TTLL7: variants seen among roughly 807,000 people sequenced by gnomAD.
TTLL7 encodes the protein tubulin polyglutamylase TTLL7.
In TTLL7, 53 loss-of-function variants were observed where a neutral mutation model predicts 120.2. The ratio of observed to expected loss-of-function variants is 0.44; its 90% CI spans 0.35 to 0.55. The LOEUF (loss-of-function observed/expected upper bound fraction) is 0.55, where lower values mean the gene tolerates loss of function less well. Ranked by LOEUF, TTLL7 falls within the 20% of genes least tolerant of loss-of-function variation. The pLI is 0.00. For synonymous variants in TTLL7, 353 were observed against 351.7 expected (o/e 1.00, Z -0.04); for missense variants, 803 against 1,054.7 (o/e 0.76, Z 3.31).
At chr1:83,974,235 C>T (rs982080106) in intron 1 of TTLL7, among the ~76,000 whole-genome samples, 3 of 151,852 alleles carry the variant, frequency 2.0e-5, no homozygotes, top group African/African-American at 4.8e-5. Context: ...CTAAGTATTA[C>T]GAACACATAT....
chr1:83,884,280 A>T (rs1557539350), intron 19 of TTLL7, among the ~76,000 whole-genome samples: 1 of 151,972 alleles, frequency 6.6e-6, no homozygotes. Context: ...CAATTCACAT[A>T]ACCCTCAGAG....
At chr1:83,915,156 A>G (rs189552917) in intron 14 of TTLL7, among the ~76,000 whole-genome samples, 68 of 151,800 alleles carry the variant, frequency 4.5e-4, no homozygotes, top group African/African-American at 1.6e-3. Flanking sequence ...TTTTTTTTTT[A>G]GTAGGAAGAC....
chr1:83,922,001 C>T (rs546358841), intron 10 of TTLL7, among the ~76,000 whole-genome samples: 1 of 152,110 alleles, frequency 6.6e-6, no homozygotes, highest in East Asian at 1.9e-4. Context: ...AGGAAAAGTC[C>T]TGTTTTGGGA....
In TTLL7 at chr1:83,919,639, T is replaced by C. The variant is rs149706140; in HGVS notation, c.1500+60A>G. On this transcript the variant is annotated intron_variant, in intron 13 of 20. Transcript: ENST00000260505. ...ATATGTCGGACCAAGGTGGCTTGTC[T>C]GTAAAGACATATTGTTTAGCTTTAT... The C allele has an allele frequency of 9.0e-6, 13 of 1,452,056 alleles. No homozygotes were observed. The African/African-American group carries it at 1.6e-4, about 18-fold the overall frequency. The allele number at this position is 1,452,056 out of a possible 1,614,324, so 89.9% of individuals were successfully genotyped here.
intron 9 of TTLL7, among the ~76,000 whole-genome samples, chr1:83,930,393 T>C (rs1041032641): frequency 6.6e-6 from 1 of 152,124 alleles, no homozygotes; most frequent in Non-Finnish European, 1.5e-5. Flanking sequence ...CCTTTGTTGA[T>C]TTCTGATTTA....
Position 83,896,971 on chromosome 1 carries a change from CACA to C in TTLL7, c.2209-6493_2209-6491del, listed in dbSNP as rs1656278461. Among the ~76,000 whole-genome samples, 3 of 152,190 alleles carry C rather than the reference CACA, an allele frequency of 2.0e-5. No homozygotes were observed. In the South Asian group the frequency reaches 6.2e-4, roughly 32 times the overall value. ...CTAAATTATGCAAGTATGGAGTTAC[CACA>C]ACATGACATTAAATAAGATTAACTA... On this transcript the variant is annotated intron_variant, in intron 18 of 20. Transcript: ENST00000260505.
At chr1:83,989,313 A>G (rs1437096373) in intron 1 of TTLL7, among the ~76,000 whole-genome samples, 1 of 152,208 alleles carries the variant, frequency 6.6e-6, no homozygotes, top group African/African-American at 2.4e-5. Flanking sequence ...TTGAGGACTT[A>G]TATTTAAATC....
At chr1:83,886,448 A>C (rs1172805850) in intron 19 of TTLL7, among the ~76,000 whole-genome samples, 1 of 152,056 alleles carries the variant, frequency 6.6e-6, no homozygotes, top group Admixed American at 6.6e-5. Context: ...TAAAAAGTAT[A>C]ACAACACATC....
chr1:83,927,240 T>G (rs970399119), intron 10 of TTLL7, among the ~76,000 whole-genome samples: 2 of 152,208 alleles, frequency 1.3e-5, no homozygotes, highest in Non-Finnish European at 2.9e-5. Context: ...TGTAAAAGTA[T>G]GTACTCTTCA....
chr1:83,902,312 C>T (rs1656789101), intron 18 of TTLL7: 1 of 151,746 alleles, frequency 6.6e-6, no homozygotes, highest in African/African-American at 2.4e-5. Flanking sequence ...TTTCCCTTTC[C>T]CCTCTATAGC....
At chr1:83,937,663 C>T (rs1392236981) in intron 8 of TTLL7, among the ~76,000 whole-genome samples, 189 bp downstream of exon 8, 3 of 152,148 alleles carry the variant, frequency 2.0e-5, no homozygotes. Flanking sequence ...CCCAAGGATG[C>T]ATTTCTCAGA....
intron 15 of TTLL7, 62 bp downstream of exon 15, chr1:83,911,103 G>C: frequency 2.8e-6 from 4 of 1,416,328 alleles, no homozygotes; most frequent in Non-Finnish European, 3.9e-6. Flanking sequence ...CTTTTACTGA[G>C]TTTAATAATT....
chr1:83,901,207 T>C (rs941064240), intron 18 of TTLL7, among the ~76,000 whole-genome samples: 6 of 152,006 alleles, frequency 3.9e-5, no homozygotes, highest in Non-Finnish European at 8.8e-5. Context: ...CTTTTACCTT[T>C]CATAAGATTT....
chr1:83,881,273 G>C (rs528192156), intron 20 of TTLL7, among the ~76,000 whole-genome samples: 1 of 150,454 alleles, frequency 6.6e-6, no homozygotes, highest in Non-Finnish European at 1.5e-5. Flanking sequence ...CTTCTGCAGA[G>C]CAAAAGAAAC....
Position 83,949,933 on chromosome 1 carries a change from T to C in TTLL7, c.211A>G (p.Thr71Ala). The C allele has an allele frequency of 6.2e-7, 1 of 1,613,706 alleles. No individual in the cohort carries two copies. Among genetic ancestry groups the C allele is most frequent in the Non-Finnish European group, 8.5e-7 (1 of 1,179,848 alleles). Residue 71 changes from threonine to alanine, a missense_variant, in exon 4 of 21, where the codon ACA becomes GCA. Transcript: ENST00000260505. ...GAATCACACCATATAAGATTACTTG[T>C]TTCATCCTCATCTGGAGTTTTCATA... ...GFMKTPDEDE[T>A]SNLIWCDSAV...
chr1:83,869,801 AAT>A lies in TTLL7; in HGVS notation c.*159_*160del, dbSNP rs1173708154. 3 of 498,316 alleles carry A rather than the reference AAT, an allele frequency of 6.0e-6. No individual in the cohort carries two copies. Among genetic ancestry groups the A allele is most frequent in the East Asian group, 4.2e-5 (1 of 23,784 alleles). The allele number at this position is 498,316 out of a possible 1,614,324, so 30.9% of individuals were successfully genotyped here. On this transcript the variant is annotated 3_prime_UTR_variant, in exon 21 of 21. Transcript: ENST00000260505. ...CTTTCATATATCATTTAATATAATA[AAT>A]ATATGTTATTAGGGTGCATATGTGC...
intron 7 of TTLL7, among the ~76,000 whole-genome samples, chr1:83,941,605 G>A (rs1380605293): frequency 6.6e-6 from 1 of 151,836 alleles, no homozygotes; most frequent in African/African-American, 2.4e-5. Context: ...ATAATATTAG[G>A]GGAAAACAAT....
At chr1:83,942,776 G>T in intron 6 of TTLL7, 97 bp from the exon 7 acceptor site, 3 of 826,838 alleles carry the variant, frequency 3.6e-6, no homozygotes, top group Non-Finnish European at 5.6e-6. Context: ...TGGAGTAAGG[G>T]ACTCCAAAAG....
intron 14 of TTLL7, among the ~76,000 whole-genome samples, chr1:83,914,846 A>G (rs1185503803): frequency 6.6e-6 from 1 of 152,182 alleles, no homozygotes; most frequent in East Asian, 1.9e-4. Context: ...TCTTATGCAT[A>G]TATTTAACAA....
Sources: allele counts gnomAD v4.1 joint callset (sites outside exome capture counted in the v4.1 genomes callset), GRCh38; gene constraint gnomAD v4.1.1; transcripts MANE v1.5; gene names NCBI Gene and HGNC (gene_info 2026-07-23, HGNC 2026-07-21).